The following IL17D variants were observed in gnomAD, a reference collection of about 807,000 sequenced individuals.
IL17D encodes the protein interleukin-17D.
Under a neutral mutation model 5.7 loss-of-function variants are expected in IL17D, and 10 were observed. That is an observed-to-expected ratio of 1.75 (90% CI 1.08 to 2.97). IL17D has a LOEUF of 2.97. Among genes scored for constraint, IL17D ranks in the 30% most tolerant of loss-of-function variants. The pLI, the probability that IL17D is intolerant of heterozygous loss-of-function variation, is 0.00. For missense variants in IL17D, 354 were observed against 292.7 expected, an observed-to-expected ratio of 1.21 and a Z score of -1.53; for synonymous variants, 172 against 141.7, an observed-to-expected ratio of 1.21 and a Z score of -1.52.
Position 20,721,658 on chromosome 13 carries a change from T to A in IL17D, c.313T>A (p.Tyr105Asn). The A allele has an allele frequency of 6.2e-7, 1 of 1,602,566 alleles. No homozygotes were observed. Among genetic ancestry groups the A allele is most frequent in the South Asian group, 1.1e-5 (1 of 90,250 alleles). ...AYRISYDPAR[Y>N]PRYLPEAYCL... ...CAGAATCTCCTACGACCCGGCGAGGTACCCCAGGTACCTGCCTGAAGCCTA... is the reference window on the plus strand; with the variant it reads ...CAGAATCTCCTACGACCCGGCGAGGAACCCCAGGTACCTGCCTGAAGCCTA... The change falls in exon 2 of 2, where the codon TAC (tyrosine) becomes AAC (asparagine). Residue 105 changes from tyrosine (Y) to asparagine (N), a missense_variant. By Grantham distance (143) the Tyr-to-Asn change is moderately radical. Transcript: ENST00000682841.
In IL17D at chr13:20,721,635, G is replaced by C. The variant is rs2058735752; in HGVS notation, c.291-1G>C. On this transcript the variant is annotated splice_acceptor_variant, in intron 1 of 1. Transcript: ENST00000682841. LOFTEE classifies it high-confidence loss of function. ...ACCTCACCCGTGCTCTCTCCCTGCA[G>C]AATCTCCTACGACCCGGCGAGGTAC... is the stretch of plus-strand genomic sequence containing the variant. 6.3e-7 allele frequency: 1 copy of C among 1,590,054 alleles called. No homozygotes were observed. Among genetic ancestry groups the C allele is most frequent in the Non-Finnish European group, 8.6e-7 (1 of 1,165,670 alleles).
At chr13:20,719,305 T>G (rs116080220) in intron 1 of IL17D, among the ~76,000 whole-genome samples, 1,931 of 135,508 alleles carry the variant, frequency 0.014, 45 homozygotes, top group African/African-American at 0.052. Context: ...CTGCCCACAC[T>G]CACACCTGCC....
chr13:20,718,753 TG>T (rs2058704922), intron 1 of IL17D, among the ~76,000 whole-genome samples: 1 of 60,374 alleles, frequency 1.7e-5, no homozygotes, highest in Non-Finnish European at 3.2e-5. Flanking sequence ...CACACCTGCC[TG>T]TGCTCACACA....
At chr13:20,708,459 C>A (rs1400537919) in intron 1 of IL17D, among the ~76,000 whole-genome samples, 4 of 152,178 alleles carry the variant, frequency 2.6e-5, no homozygotes, top group Non-Finnish European at 5.9e-5. Flanking sequence ...TGTAAAAAAA[C>A]CACAAAAGCA....
chr13:20,701,667 C>T (rs2058549040), upstream of IL17D: 1 of 152,090 alleles, frequency 6.6e-6, no homozygotes, highest in African/African-American at 2.4e-5. Context: ...TATGTTGTTC[C>T]CTTTTTTTCA....
chr13:20,711,157 G>C (rs533061759), intron 1 of IL17D, among the ~76,000 whole-genome samples: 50 of 152,210 alleles, frequency 3.3e-4, no homozygotes, highest in African/African-American at 1.1e-3. Flanking sequence ...CCAGCTACTC[G>C]GGAGGCTGAG....
rs41485747 is a variant in IL17D at position 20,716,695 on chromosome 13, G to A, written c.291-4941G>A. On this transcript the variant is annotated intron_variant, in intron 1 of 1. Coordinates refer to ENST00000682841, the MANE Select transcript of IL17D (RefSeq NM_001385224.1). This position sits in a 1 kb window ranked among gnomAD's most constrained non-coding sequence, Gnocchi z 4.2. ...TGCTGGGTTGAACTCATTGACCTTC[G>A]GATCTGGCGAGCCACGCTACCGAGG... Among the ~76,000 whole-genome samples the A allele has an allele frequency of 9.6e-3, 1,459 of 152,298 alleles. 26 individuals carry two copies. The highest frequency in any genetic ancestry group is 0.033 in the African/African-American group (1,391 of 41,570).
At chr13:20,712,150 T>C (rs755648248) in intron 1 of IL17D, among the ~76,000 whole-genome samples, 1 of 152,240 alleles carries the variant, frequency 6.6e-6, no homozygotes, top group Non-Finnish European at 1.5e-5. Flanking sequence ...ACCCTGACAC[T>C]CCTCCTGCAG....
At chr13:20,711,438 G>C (rs2058636588) in intron 1 of IL17D, among the ~76,000 whole-genome samples, 1 of 152,144 alleles carries the variant, frequency 6.6e-6, no homozygotes, top group Non-Finnish European at 1.5e-5. Flanking sequence ...TCCAAGGATG[G>C]CAGAGCCCTC....
In IL17D at chr13:20,721,861, G is replaced by A. The variant is rs752896062; in HGVS notation, c.516G>A (p.Glu172=). Residue 172 remains glutamate (E), a synonymous_variant, in exon 2 of 2, where the codon GAG becomes GAA. Transcript: ENST00000682841. ...TIPVGCTCVP[E]PEKDADSINS... ...CCGTGGGCTGCACCTGCGTCCCCGA[G>A]CCGGAGAAGGACGCAGACAGCATCA... The A allele has an allele frequency of 1.2e-6, 2 of 1,610,480 alleles. No individual in the cohort carries two copies. Among genetic ancestry groups the A allele is most frequent in the East Asian group, 2.2e-5 (1 of 44,836 alleles).
rs2058746336 is a variant in IL17D, at chr13:20,722,638, G to A, written c.*684G>A. ...CTGACCCACTCTTCCTTCCACTGAA[G>A]GTCTTCACGGGCCTCCAGGTGGACC... is the stretch of plus-strand genomic sequence containing the variant. On this transcript the variant is annotated 3_prime_UTR_variant, in exon 2 of 2. Transcript: ENST00000682841. 6.6e-6 allele frequency: 1 copy of A among 152,228 alleles called. No homozygotes were observed. The highest frequency in any genetic ancestry group is 6.5e-5 in the Admixed American group (1 of 15,280). The allele number at this position is 152,228 out of a possible 1,614,324, so 9.4% of individuals were successfully genotyped here. A position where few individuals can be genotyped will look rare whatever the true frequency, so the allele number is the denominator to read the frequency against.
At chr13:20,719,565 A>T (rs944154588) in intron 1 of IL17D, among the ~76,000 whole-genome samples, 1 of 152,252 alleles carries the variant, frequency 6.6e-6, no homozygotes, top group Admixed American at 6.5e-5. Context: ...ATTTTCTAAT[A>T]CTTCATTTTG....
upstream of IL17D, chr13:20,703,560 G>A: frequency 2.7e-6 from 1 of 363,708 alleles, no homozygotes; most frequent in South Asian, 1.1e-4. Context: ...CTGCGAGGCG[G>A]CGGGTCCGGG....
chr13:20,705,691 C>T (rs983119553), intron 1 of IL17D, among the ~76,000 whole-genome samples: 11 of 151,994 alleles, frequency 7.2e-5, no homozygotes, highest in African/African-American at 1.5e-4. Flanking sequence ...AGCGAGACCC[C>T]GTCTCTAAAA....
chr13:20,711,857 C>G (rs542611311), intron 1 of IL17D, among the ~76,000 whole-genome samples: 2 of 152,238 alleles, frequency 1.3e-5, no homozygotes, highest in African/African-American at 4.8e-5. Flanking sequence ...ACCTGAATGA[C>G]CGCCTATAGG....
chr13:20,721,734 G>C lies in IL17D; in HGVS notation c.389G>C (p.Arg130Pro). ...LTGLFGEEDV[R>P]FRSAPVYMPT... The stretch of plus-strand genomic sequence containing the variant: ...GGGCTGTTCGGCGAGGAGGACGTGC[G>C]CTTCCGCAGCGCCCCTGTCTACATG... Residue 130 changes from arginine to proline, a missense_variant, in exon 2 of 2, where the codon CGC becomes CCC. Arg to Pro is a moderately radical substitution (Grantham distance 103). Transcript: ENST00000682841. 2 of 1,610,752 alleles carry C rather than the reference G, an allele frequency of 1.2e-6. No individual in the cohort carries two copies. The highest frequency in any genetic ancestry group is 2.2e-5 in the East Asian group (1 of 44,842).
intron 1 of IL17D, among the ~76,000 whole-genome samples, chr13:20,710,218 C>T (rs60872739): frequency 6.6e-6 from 1 of 152,062 alleles, no homozygotes; most frequent in Non-Finnish European, 1.5e-5. Context: ...AATTGGGTTG[C>T]TCAGCAAGTT....
chr13:20,715,510 G>A (rs1016689492), intron 1 of IL17D, among the ~76,000 whole-genome samples: 7 of 152,162 alleles, frequency 4.6e-5, no homozygotes, highest in African/African-American at 1.7e-4. Context: ...TGGCTAGCTA[G>A]CCTTTAGGGA....
At chr13:20,708,245 CAGAT>C (rs983854201) in intron 1 of IL17D, among the ~76,000 whole-genome samples, 4 of 152,176 alleles carry the variant, frequency 2.6e-5, no homozygotes, top group African/African-American at 4.8e-5. Flanking sequence ...CTGAGAAAGA[CAGAT>C]AGGGAGATGG....
Sources: gnomAD v4.1 joint callset for allele counts (sites outside exome capture counted in the v4.1 genomes callset) on GRCh38, gnomAD v4.1.1 for gene constraint, Gnocchi (gnomAD v3.1) non-coding constraint, MANE v1.5 for transcripts, NCBI Gene and HGNC (gene_info 2026-07-23, HGNC 2026-07-21) for gene names.